HSPG2: variants seen among roughly 807,000 people sequenced by gnomAD.
HSPG2 encodes basement membrane-specific heparan sulfate proteoglycan core protein.
In HSPG2, 278 loss-of-function variants were observed where a neutral mutation model predicts 526.6. The ratio of observed to expected loss-of-function variants is 0.53; its 90% CI spans 0.48 to 0.58. The LOEUF (loss-of-function observed/expected upper bound fraction) is 0.58, where lower values mean the gene tolerates loss of function less well. Ranked by LOEUF, HSPG2 falls within the 20% of genes least tolerant of loss-of-function variation. The pLI is 0.00. For missense variants in HSPG2, 5,354 were observed against 6,099.5 expected (o/e 0.88, Z 4.07); for synonymous variants, 2,465 against 2,555.4 (o/e 0.96, Z 1.07).
intron 1 of HSPG2, among the ~76,000 whole-genome samples, chr1:21,922,005 G>A (rs1644052983): frequency 6.6e-6 from 1 of 152,206 alleles, no homozygotes; most frequent in Non-Finnish European, 1.5e-5. Context: ...TGAGGTGGCA[G>A]GTGGGGTTGC....
intron 1 of HSPG2, among the ~76,000 whole-genome samples, chr1:21,896,878 G>A (rs1642789023): frequency 6.6e-6 from 1 of 152,218 alleles, no homozygotes; most frequent in Non-Finnish European, 1.5e-5. Flanking sequence ...CCACTGTGTT[G>A]GAGAATTAGC....
chr1:21,860,188 C>T lies in HSPG2; in HGVS notation c.5003G>A (p.Cys1668Tyr), dbSNP rs749448891. ...VGNPSVQGGQ[C>Y]LPETNQAPLV... ...ATGGTCCCACTTACTCTCTGGCAGG[C>T]ACTGGCCCCCTTGCACACTGGGGTT... is the stretch of plus-strand genomic sequence containing the variant. Residue 1668 changes from cysteine (C) to tyrosine (Y), a missense_variant, in exon 40 of 97, where the codon TGC becomes TAC. Cys to Tyr is a radical substitution (Grantham distance 194). Transcript: ENST00000374695. The T allele has an allele frequency of 1.2e-6, 2 of 1,613,772 alleles. No individual in the cohort carries two copies. Among genetic ancestry groups the T allele is most frequent in the African/African-American group, 1.3e-5 (1 of 74,944 alleles).
Position 21,834,669 on chromosome 1 carries a change from T to C in HSPG2, c.10720+10A>G, listed in dbSNP as rs2098019112. 6.2e-7 allele frequency: 1 copy of C among 1,613,956 alleles called. No individual in the cohort carries two copies. Among genetic ancestry groups the C allele is most frequent in the East Asian group, 2.2e-5 (1 of 44,884 alleles). Reference sequence around the variant, plus strand: ...ACTGTCCCCCAACAAAAGTCCCCACTGGCCTTCACCTTGCACAAGCAGCAG... The same window carrying C: ...ACTGTCCCCCAACAAAAGTCCCCACCGGCCTTCACCTTGCACAAGCAGCAG... On this transcript the variant is annotated intron_variant, in intron 77 of 96. Coordinates refer to ENST00000374695, the MANE Select transcript of HSPG2 (RefSeq NM_005529.7).
In HSPG2 at chr1:21,876,298, G is replaced by A. The variant is rs1557765753; in HGVS notation, c.2934C>T (p.Phe978=). The A allele has an allele frequency of 1.9e-6, 3 of 1,614,084 alleles. No homozygotes were observed. The highest frequency in any genetic ancestry group is 2.5e-6 in the Non-Finnish European group (3 of 1,180,010). Residue 978 remains phenylalanine, a synonymous_variant, in exon 23 of 97, where the codon TTC becomes TTT. Transcript: ENST00000374695. ...CAGATAAGAGTCTGTGGAAGGAGGAGAATCCCAGTTCCCCGGGCGTGGGGG... is the reference window on the plus strand; with the variant it reads ...CAGATAAGAGTCTGTGGAAGGAGGAAAATCCCAGTTCCCCGGGCGTGGGGG... The part of the protein sequence containing the change: ...IFSPTPGELG[F]SSFHRLLSGP...
Position 21,844,307 on chromosome 1 carries a change from A to G in HSPG2, c.8465-8T>C. ...GTGGGGCTCCACCTGGGGCTGGGGCACAGGGGAGAGGTCAGTGAGCTGAGA... is the reference window on the plus strand; with the variant it reads ...GTGGGGCTCCACCTGGGGCTGGGGCGCAGGGGAGAGGTCAGTGAGCTGAGA... On this transcript the variant is annotated splice_polypyrimidine_tract_variant and splice_region_variant and intron_variant, in intron 64 of 96. Transcript: ENST00000374695. The G allele has an allele frequency of 6.2e-7, 1 of 1,610,632 alleles. No homozygotes were observed. The highest frequency in any genetic ancestry group is 1.1e-5 in the South Asian group (1 of 90,984).
intron 1 of HSPG2, among the ~76,000 whole-genome samples, chr1:21,919,796 G>C (rs572910439): frequency 6.6e-6 from 1 of 152,196 alleles, no homozygotes; most frequent in Admixed American, 6.5e-5. Context: ...GACCATCCTC[G>C]GAGTTATAAG....
chr1:21,874,876 G>C lies in HSPG2; in HGVS notation c.3414+15C>G. On this transcript the variant is annotated intron_variant, in intron 26 of 96. Coordinates refer to ENST00000374695, the MANE Select transcript of HSPG2 (RefSeq NM_005529.7). ...GGAGGGGGCTGGCTGGGCTGGCGTG[G>C]GGCCCAGGACTCACCTGGCAGGACG... 6.3e-7 allele frequency: 1 copy of C among 1,598,910 alleles called. No individual in the cohort carries two copies. The highest frequency in any genetic ancestry group is 1.7e-5 in the Admixed American group (1 of 59,374).
chr1:21,923,616 T>A (rs900356798), intron 1 of HSPG2, among the ~76,000 whole-genome samples: 3 of 151,878 alleles, frequency 2.0e-5, no homozygotes, highest in Non-Finnish European at 4.4e-5. Flanking sequence ...CACAAATGAG[T>A]GCTGAGACCA....
chr1:21,843,828 G>C (rs530221628), intron 65 of HSPG2, among the ~76,000 whole-genome samples: 1 of 152,034 alleles, frequency 6.6e-6, no homozygotes, highest in Non-Finnish European at 1.5e-5. Context: ...TGTGTTTTTC[G>C]TTTCGCCATG....
chr1:21,895,816 C>T lies in HSPG2; in HGVS notation c.244+106G>A. 3 of 1,027,162 alleles carry T rather than the reference C, an allele frequency of 2.9e-6. No homozygotes were observed. Among genetic ancestry groups the T allele is most frequent in the Middle Eastern group, 2.9e-4 (1 of 3,508 alleles). The allele number at this position is 1,027,162 out of a possible 1,614,324, so 63.6% of individuals were successfully genotyped here. The stretch of plus-strand genomic sequence containing the variant: ...AAGAGATCACACCCACTTCTTCTTG[C>T]TTTGTACCCCAGGGCAGGCCCAAGG... On this transcript the variant is annotated intron_variant, in intron 3 of 96. Transcript: ENST00000374695. This position sits in a 1 kb window ranked among gnomAD's most constrained non-coding sequence, Gnocchi z 4.1.
At chr1:21,933,500 C>T (rs1427388016) in intron 1 of HSPG2, among the ~76,000 whole-genome samples, 2 of 152,194 alleles carry the variant, frequency 1.3e-5, no homozygotes. Flanking sequence ...GAGCTCCTTC[C>T]CCTCCACTTT....
chr1:21,884,678 C>A lies in HSPG2; in HGVS notation c.1508-4G>T, dbSNP rs1641747952. 5.6e-6 allele frequency: 9 copies of A among 1,611,080 alleles called. No homozygotes were observed. The highest frequency in any genetic ancestry group is 7.6e-6 in the Non-Finnish European group (9 of 1,178,958). On this transcript the variant is annotated splice_region_variant and splice_polypyrimidine_tract_variant and intron_variant, in intron 12 of 96. Coordinates refer to ENST00000374695, the MANE Select transcript of HSPG2 (RefSeq NM_005529.7). ...AAGTGGCCGTCAGGGCAGGGGCCTG[C>A]TGGGCGGCATGGGCGGGGGCTGCAG...
rs1166311736 is a variant in HSPG2 at position 21,831,208 on chromosome 1, G to A, written c.11562+7C>T. On this transcript the variant is annotated splice_region_variant and intron_variant, in intron 84 of 96. Coordinates refer to ENST00000374695, the MANE Select transcript of HSPG2 (RefSeq NM_005529.7). ...GCAGCCAGGTGGTGTGTGGGGTGTG[G>A]GGTCACCTGGCAGGGCCGGTCCCGA... The A allele has an allele frequency of 1.2e-6, 2 of 1,612,010 alleles. No homozygotes were observed. Among genetic ancestry groups the A allele is most frequent in the East Asian group, 2.2e-5 (1 of 44,882 alleles).
At chr1:21,881,803 C>T (rs530414089) in intron 13 of HSPG2, among the ~76,000 whole-genome samples, 9 of 151,810 alleles carry the variant, frequency 5.9e-5, no homozygotes, top group Non-Finnish European at 1.3e-4. Context: ...ACTAGACAGG[C>T]ATGGTGGTGC....
At chr1:21,876,099 C>T (rs1011219009) in intron 23 of HSPG2, 57 bp from the exon 24 acceptor site, 1 of 1,598,012 alleles carries the variant, frequency 6.3e-7, no homozygotes, top group Non-Finnish European at 8.6e-7. Context: ...CCTGTCACTG[C>T]TCCAGCCACC....
At chr1:21,851,492 G>T in intron 55 of HSPG2, 54 bp downstream of exon 55, 1 of 1,611,310 alleles carries the variant, frequency 6.2e-7, no homozygotes. Flanking sequence ...AATAACCTCC[G>T]CCACCCAGGG....
chr1:21,891,816 G>A (rs61189466), intron 3 of HSPG2, among the ~76,000 whole-genome samples: 1 of 152,140 alleles, frequency 6.6e-6, no homozygotes. Context: ...TTGCTATGTT[G>A]CCCAGGCTGG....
Position 21,828,132 on chromosome 1 carries a change from C to T in HSPG2, c.12430G>A (p.Glu4144Lys). 1 of 1,613,030 alleles carries T rather than the reference C, an allele frequency of 6.2e-7. No homozygotes were observed. Among genetic ancestry groups the T allele is most frequent in the Non-Finnish European group, 8.5e-7 (1 of 1,179,932 alleles). The change falls in exon 90 of 97, where the codon GAG becomes AAG. Residue 4144 changes from glutamate (E) to lysine (K), a missense_variant. Transcript: ENST00000374695. This position sits in a 1 kb window ranked among gnomAD's most constrained non-coding sequence, Gnocchi z 6.0. Reference sequence around the variant, plus strand: ...GGTTCACGGAGCTGGCAGGGGTTCTCCTCGTGCTCACACAGGTCTCCTGTG... The same window carrying T: ...GGTTCACGGAGCTGGCAGGGGTTCTTCTCGTGCTCACACAGGTCTCCTGTG... ...GFKGDLCEHE[E>K]NPCQLREPCL... is the part of the protein sequence containing the mutation.
In HSPG2 at chr1:21,887,188, G is replaced by T. The variant is rs556472041; in HGVS notation, c.1078+27C>A. The stretch of plus-strand genomic sequence containing the variant: ...CAAGCGGCCTGGGCAGGGCAAGGGG[G>T]CCTCAGCTGGACCCTCGGATACTCA... On this transcript the variant is annotated intron_variant, in intron 9 of 96. Coordinates refer to ENST00000374695, the MANE Select transcript of HSPG2 (RefSeq NM_005529.7). The surrounding 1 kb of genome is among the most constrained non-coding windows in gnomAD (Gnocchi z 5.0). 15 of 1,580,458 alleles carry T rather than the reference G, an allele frequency of 9.5e-6. No individual in the cohort carries two copies. Among genetic ancestry groups the T allele is most frequent in the African/African-American group, 4.1e-5 (3 of 73,274 alleles).
Sources: allele counts gnomAD v4.1 joint callset (sites outside exome capture counted in the v4.1 genomes callset), GRCh38; gene constraint gnomAD v4.1.1; non-coding constraint Gnocchi (gnomAD v3.1); transcripts MANE v1.5; gene names NCBI Gene and HGNC (gene_info 2026-07-23, HGNC 2026-07-21).